Variants in HNF4G observed in about 807,000 individuals in gnomAD.
HNF4G encodes the protein hepatocyte nuclear factor 4 gamma.
A neutral mutation model predicts 50.9 loss-of-function variants in HNF4G; 21 were observed. That is an observed-to-expected ratio of 0.41 (90% CI 0.29 to 0.59). The LOEUF is 0.59. Among genes scored for constraint, HNF4G ranks in the 20% least tolerant of loss-of-function variants. The probability of loss-of-function intolerance (pLI) is 0.26; values close to 1 mark genes in which losing one functional copy is unlikely to be tolerated. For missense variants in HNF4G, 527 were observed against 559.4 expected (o/e 0.94, Z 0.58); for synonymous variants, 198 against 185.6 (o/e 1.07, Z -0.54).
At chr8:75,500,012 AG>A (rs1241061563) in intron 2 of HNF4G, among the ~76,000 whole-genome samples, 1 of 152,172 alleles carries the variant, frequency 6.6e-6, no homozygotes, top group Non-Finnish European at 1.5e-5. Flanking sequence ...AAACTACAAA[AG>A]AAAAAATAAA....
At chr8:75,425,402 A>G (rs1475042839) in intron 1 of HNF4G, among the ~76,000 whole-genome samples, 1 of 151,808 alleles carries the variant, frequency 6.6e-6, no homozygotes, top group African/African-American at 2.4e-5. Flanking sequence ...CTTTTAAAAA[A>G]TCAACTTATC....
intron 2 of HNF4G, among the ~76,000 whole-genome samples, chr8:75,500,094 A>G (rs2130702853): frequency 6.6e-6 from 1 of 152,254 alleles, no homozygotes; most frequent in African/African-American, 2.4e-5. Context: ...CAATTCATCG[A>G]ATGGGAGATA....
intron 1 of HNF4G, among the ~76,000 whole-genome samples, chr8:75,475,816 A>G (rs1428621392): frequency 6.6e-5 from 10 of 152,162 alleles, no homozygotes; most frequent in Non-Finnish European, 1.5e-4. Context: ...AATTTATATT[A>G]TAGGGTAGAA....
intron 1 of HNF4G, among the ~76,000 whole-genome samples, chr8:75,543,508 A>C (rs1806686753): frequency 6.6e-6 from 1 of 152,196 alleles, no homozygotes. Flanking sequence ...TCGGGGCTAG[A>C]GATAAAATAT....
At chr8:75,534,979 TAC>T (rs1806421869), upstream of HNF4G, among the ~76,000 whole-genome samples, 1 of 127,678 alleles carries the variant, frequency 7.8e-6, no homozygotes, top group South Asian at 2.2e-4. Flanking sequence ...TTAGAATTTT[TAC>T]ATGTTATAAT....
chr8:75,463,846 C>T (rs1309504739), intron 1 of HNF4G, among the ~76,000 whole-genome samples: 1 of 148,248 alleles, frequency 6.7e-6, no homozygotes, highest in African/African-American at 2.5e-5. Flanking sequence ...ATGATCTTGG[C>T]TCACCACACT....
At chr8:75,563,605 T>C (rs750501065) in intron 9 of HNF4G, among the ~76,000 whole-genome samples, 17 of 152,160 alleles carry the variant, frequency 1.1e-4, no homozygotes, top group Non-Finnish European at 2.4e-4. Context: ...AATATAAACA[T>C]TGTTTTCTAA....
chr8:75,429,173 G>GAAGAAGACCA (rs1248724935), intron 1 of HNF4G, among the ~76,000 whole-genome samples: 24 of 152,064 alleles, frequency 1.6e-4, no homozygotes, highest in Non-Finnish European at 3.1e-4. Context: ...GAGAATATAG[G>GAAGAAGACCA]AAGAAGACCA....
intron 1 of HNF4G, among the ~76,000 whole-genome samples, chr8:75,476,936 G>C (rs1222956105): frequency 6.6e-6 from 1 of 152,096 alleles, no homozygotes; most frequent in African/African-American, 2.4e-5. Context: ...TAATATTCAT[G>C]GATAGATTCA....
chr8:75,427,684 A>G (rs1810920178), intron 1 of HNF4G, among the ~76,000 whole-genome samples: 1 of 152,108 alleles, frequency 6.6e-6, no homozygotes. Context: ...GAATGAATAT[A>G]TATTAGTATA....
intron 1 of HNF4G, among the ~76,000 whole-genome samples, chr8:75,450,084 C>G (rs1811551399): frequency 6.6e-6 from 1 of 152,116 alleles, no homozygotes; most frequent in Non-Finnish European, 1.5e-5. Context: ...TGTTAGAGTC[C>G]ACACAGAAGT....
chr8:75,455,857 A>G (rs75669462), intron 1 of HNF4G, among the ~76,000 whole-genome samples: 15,514 of 152,128 alleles, frequency 0.1, 878 homozygotes, highest in Non-Finnish European at 0.12. Context: ...TACTTTCTGT[A>G]TAAAGACTGA....
intron 9 of HNF4G, among the ~76,000 whole-genome samples, chr8:75,561,722 TGTTG>T (rs1043389639): frequency 1.3e-5 from 2 of 152,192 alleles, no homozygotes; most frequent in Non-Finnish European, 2.9e-5. Flanking sequence ...TGAACCATGT[TGTTG>T]CCAGACTGGT....
At chr8:75,560,289 A>G (rs1362954005) in intron 8 of HNF4G, 55 bp from the exon 9 acceptor site, 1 of 1,581,262 alleles carries the variant, frequency 6.3e-7, no homozygotes, top group African/African-American at 1.4e-5. Context: ...TTTCAAGGTA[A>G]ACTTGCTGTT....
intron 2 of HNF4G, among the ~76,000 whole-genome samples, chr8:75,518,474 T>C (rs1421912914): frequency 6.6e-6 from 1 of 152,124 alleles, no homozygotes; most frequent in Non-Finnish European, 1.5e-5. Flanking sequence ...AGCCATCCCA[T>C]TACTGGGTAT....
intron 2 of HNF4G, among the ~76,000 whole-genome samples, chr8:75,495,033 C>G (rs926062064): frequency 6.6e-6 from 1 of 151,986 alleles, no homozygotes; most frequent in Non-Finnish European, 1.5e-5. Flanking sequence ...TATCAAATAA[C>G]AAAACACTGA....
At chr8:75,545,714 A>G (rs1806757791) in intron 2 of HNF4G, among the ~76,000 whole-genome samples, 1 of 151,974 alleles carries the variant, frequency 6.6e-6, no homozygotes, top group South Asian at 2.1e-4. Flanking sequence ...TTTTCATGTT[A>G]TGTTTTTCAC....
intron 1 of HNF4G, among the ~76,000 whole-genome samples, chr8:75,468,885 G>A (rs1040670444): frequency 6.8e-6 from 1 of 147,900 alleles, no homozygotes; most frequent in Admixed American, 6.7e-5. Flanking sequence ...AAAGTCTTGA[G>A]AAACAAAACA....
intron 2 of HNF4G, among the ~76,000 whole-genome samples, chr8:75,494,480 C>T (rs1420247936): frequency 6.6e-6 from 1 of 152,026 alleles, no homozygotes; most frequent in East Asian, 1.9e-4. Flanking sequence ...ATAAATTGGG[C>T]TTTAATTTGT....
Sources: allele counts gnomAD v4.1 joint callset (sites outside exome capture counted in the v4.1 genomes callset), GRCh38; gene constraint gnomAD v4.1.1; transcripts MANE v1.5; gene names NCBI Gene and HGNC (gene_info 2026-07-23, HGNC 2026-07-21).